Variants in TBC1D5 observed in about 807,000 individuals in gnomAD.
TBC1D5 encodes the protein TBC1 domain family, member 5.
A neutral mutation model predicts 100.3 loss-of-function variants in TBC1D5; 75 were observed. That is an observed-to-expected ratio of 0.75 (90% CI 0.62 to 0.91). The LOEUF (loss-of-function observed/expected upper bound fraction) is 0.91. Among genes scored for constraint, TBC1D5 ranks in the 40% least tolerant of loss-of-function variants. The probability of loss-of-function intolerance (pLI) is 0.00; values close to 1 mark genes in which losing one functional copy is unlikely to be tolerated. For synonymous variants in TBC1D5, 323 were observed against 325.6 expected (o/e 0.99, Z 0.09); for missense variants, 910 against 942.4 (o/e 0.97, Z 0.45).
chr3:17,639,717 G>A (rs1301333427), intron 1 of TBC1D5, among the ~76,000 whole-genome samples: 1 of 152,058 alleles, frequency 6.6e-6, no homozygotes, highest in East Asian at 1.9e-4. Flanking sequence ...TAAACTGCTA[G>A]AACACATCAA....
At chr3:17,649,083 C>T (rs2065284618) in intron 1 of TBC1D5, among the ~76,000 whole-genome samples, 2 of 152,050 alleles carry the variant, frequency 1.3e-5, no homozygotes, top group African/African-American at 2.4e-5. Flanking sequence ...AACCTAAATG[C>T]CCATCAGTGA....
At chr3:17,288,536 C>T (rs1318953273) in intron 15 of TBC1D5, among the ~76,000 whole-genome samples, 1 of 152,146 alleles carries the variant, frequency 6.6e-6, no homozygotes, top group Non-Finnish European at 1.5e-5. Flanking sequence ...TGGTTTTTTA[C>T]ACTGTTGTGC....
chr3:17,608,671 C>A (rs974059960), intron 2 of TBC1D5, among the ~76,000 whole-genome samples: 2 of 152,128 alleles, frequency 1.3e-5, no homozygotes, highest in Admixed American at 1.3e-4. Context: ...ATTTCTTTCT[C>A]CCTTCTCAGA....
At chr3:17,720,094 T>C (rs1231604240) in intron 1 of TBC1D5, among the ~76,000 whole-genome samples, 13 of 152,202 alleles carry the variant, frequency 8.5e-5, no homozygotes, top group Non-Finnish European at 1.6e-4. Context: ...ACTTAACATG[T>C]TTAATAGGAA....
At chr3:17,172,958 T>G (rs879731130) in intron 19 of TBC1D5, among the ~76,000 whole-genome samples, 1 of 152,122 alleles carries the variant, frequency 6.6e-6, no homozygotes, top group Non-Finnish European at 1.5e-5. Flanking sequence ...AACCTTCTTA[T>G]GCCTGAGGGG....
intron 9 of TBC1D5, among the ~76,000 whole-genome samples, chr3:17,377,370 T>A (rs2092749395): frequency 6.6e-6 from 1 of 152,054 alleles, no homozygotes; most frequent in Admixed American, 6.6e-5. Flanking sequence ...CCATTACTGA[T>A]CCATTATTGT....
At chr3:17,484,646 C>T (rs530759392) in intron 3 of TBC1D5, among the ~76,000 whole-genome samples, 5 of 152,048 alleles carry the variant, frequency 3.3e-5, no homozygotes, top group Admixed American at 6.6e-5. Flanking sequence ...TTATGCTTGG[C>T]TAATTTTTTA....
intron 2 of TBC1D5, among the ~76,000 whole-genome samples, chr3:17,544,768 A>G (rs992404373): frequency 6.6e-6 from 1 of 152,134 alleles, no homozygotes; most frequent in Non-Finnish European, 1.5e-5. Flanking sequence ...AAGGAATATA[A>G]TATTATTTTC....
At chr3:17,455,714 C>T (rs534664177) in intron 3 of TBC1D5, among the ~76,000 whole-genome samples, 63 of 152,064 alleles carry the variant, frequency 4.1e-4, no homozygotes, top group African/African-American at 1.4e-3. Flanking sequence ...ATGGTGCACA[C>T]TTGTAGTCCA....
chr3:17,590,378 G>A (rs1383304207), intron 2 of TBC1D5, among the ~76,000 whole-genome samples: 1 of 152,156 alleles, frequency 6.6e-6, no homozygotes, highest in Non-Finnish European at 1.5e-5. Context: ...TTGCTTGGTT[G>A]GCTGAAATAC....
intron 4 of TBC1D5, among the ~76,000 whole-genome samples, chr3:17,422,354 G>GT (rs1317503738): frequency 1.7e-3 from 246 of 142,952 alleles, no homozygotes; most frequent in African/African-American, 2.0e-3. Flanking sequence ...TTGTTTTTTT[G>GT]TTTTTTTTTT....
chr3:17,385,909 T>A (rs2093133660), intron 8 of TBC1D5, among the ~76,000 whole-genome samples: 1 of 152,036 alleles, frequency 6.6e-6, no homozygotes, highest in South Asian at 2.1e-4. Context: ...TAAGCATATG[T>A]CAGAGAAGCC....
At chr3:17,604,833 C>G (rs1216323278) in intron 2 of TBC1D5, among the ~76,000 whole-genome samples, 2 of 152,094 alleles carry the variant, frequency 1.3e-5, no homozygotes, top group Non-Finnish European at 2.9e-5. Context: ...TACCACCACA[C>G]CCAGGTAATT....
At chr3:17,356,789 C>A (rs1175576088) in intron 13 of TBC1D5, among the ~76,000 whole-genome samples, 1 of 152,064 alleles carries the variant, frequency 6.6e-6, no homozygotes, top group Non-Finnish European at 1.5e-5. Context: ...GAAACACACC[C>A]TGGGGTTCTG....
intron 1 of TBC1D5, among the ~76,000 whole-genome samples, chr3:17,688,442 T>C (rs1486330847): frequency 6.6e-6 from 1 of 152,230 alleles, no homozygotes; most frequent in Non-Finnish European, 1.5e-5. Context: ...TTATTTTTCA[T>C]AAAAATGTTG....
chr3:17,614,944 G>A (rs2062020209), intron 2 of TBC1D5, among the ~76,000 whole-genome samples: 1 of 152,138 alleles, frequency 6.6e-6, no homozygotes, highest in African/African-American at 2.4e-5. Flanking sequence ...GTGAGAGATG[G>A]CATCCTTGTC....
chr3:17,424,788 GA>G lies in TBC1D5; in HGVS notation c.167+3661del, dbSNP rs147147109. The stretch of plus-strand genomic sequence containing the variant: ...CAAAGTAAACATCCCAGGTTATTAA[GA>G]AAAAAAAAAGTCTATGAGTATTAGG... On this transcript the variant is annotated intron_variant, in intron 4 of 21. Transcript: ENST00000253692. Among the ~76,000 whole-genome samples the G allele has an allele frequency of 1.4e-4, 21 of 147,070 alleles. No individual in the cohort carries two copies. The South Asian group carries it at 2.4e-3, about 17-fold the overall frequency.
chr3:17,568,752 T>C (rs61698855), intron 2 of TBC1D5, among the ~76,000 whole-genome samples: 7,921 of 151,724 alleles, frequency 0.052, 653 homozygotes, highest in African/African-American at 0.18. Flanking sequence ...TATAACATTA[T>C]ATATTGCCTA....
chr3:17,439,137 C>T (rs560141005), intron 3 of TBC1D5, among the ~76,000 whole-genome samples: 1 of 152,220 alleles, frequency 6.6e-6, no homozygotes, highest in East Asian at 1.9e-4. Context: ...CTGGTGATTA[C>T]AATCAGTGCT....
Sources: allele counts gnomAD v4.1 joint callset (sites outside exome capture counted in the v4.1 genomes callset), GRCh38; gene constraint gnomAD v4.1.1; transcripts MANE v1.5; gene names NCBI Gene and HGNC (gene_info 2026-07-23, HGNC 2026-07-21).